The following BRIP1 variants were observed in gnomAD, a reference collection of about 807,000 sequenced individuals.
BRIP1 encodes Fanconi anemia group J protein.
In BRIP1, 88 loss-of-function variants were observed where a neutral mutation model predicts 119.7. The ratio of observed to expected loss-of-function variants is 0.74; its 90% CI spans 0.62 to 0.88. The LOEUF (loss-of-function observed/expected upper bound fraction) is 0.88, where lower values mean the gene tolerates loss of function less well. Ranked by LOEUF, BRIP1 falls within the 40% of genes least tolerant of loss-of-function variation. The pLI is 0.00. For missense variants in BRIP1, 1,259 were observed against 1,455.4 expected (o/e 0.87, Z 2.20); for synonymous variants, 443 against 496.5 (o/e 0.89, Z 1.43).
rs1237133439 is a variant in BRIP1 at position 61,762,919 on chromosome 17, C to T, written c.2097+13482G>A. 1.3e-5 allele frequency among the ~76,000 whole-genome samples: 2 copies of T among 152,140 alleles called. No homozygotes were observed. Among genetic ancestry groups the T allele is most frequent in the African/African-American group, 2.4e-5 (1 of 41,434 alleles). On this transcript the variant is annotated intron_variant, in intron 14 of 19. Transcript: ENST00000259008. This position sits in a 1 kb window ranked among gnomAD's most constrained non-coding sequence, Gnocchi z 4.3. ...AGTCAGTTTGCAGAAGAAATATCTA[C>T]ACTCCCTCGTTCACTGTAGCATTGT...
chr17:61,789,197 T>C lies in BRIP1; in HGVS notation c.1473+4400A>G, dbSNP rs992555242. 6.6e-6 allele frequency among the ~76,000 whole-genome samples: 1 copy of C among 151,170 alleles called. No homozygotes were observed. The highest frequency in any genetic ancestry group is 6.6e-5 in the Admixed American group (1 of 15,112). On this transcript the variant is annotated intron_variant, in intron 10 of 19. Coordinates refer to ENST00000259008, the MANE Select transcript of BRIP1 (RefSeq NM_032043.3). The surrounding 1 kb of genome is among the most constrained non-coding windows in gnomAD (Gnocchi z 4.8). Reference sequence around the variant, plus strand: ...CAGGAGGATCCCTTAAGACCAGAAATCCAAGGTTACAGTGAGCTATGAATG... The same window carrying C: ...CAGGAGGATCCCTTAAGACCAGAAACCCAAGGTTACAGTGAGCTATGAATG...
chr17:61,809,596 C>T lies in BRIP1; in HGVS notation c.628-839G>A, dbSNP rs1184583741. On this transcript the variant is annotated intron_variant, in intron 6 of 19. Coordinates refer to ENST00000259008, the MANE Select transcript of BRIP1 (RefSeq NM_032043.3). The surrounding 1 kb of genome is among the most constrained non-coding windows in gnomAD (Gnocchi z 5.2). ...AAATACTAAAAAAAAAAGTTTAATG[C>T]TATATATTAGAACTCACAGGTTCTT... Among the ~76,000 whole-genome samples the T allele has an allele frequency of 6.6e-6, 1 of 152,006 alleles. No homozygotes were observed. The highest frequency in any genetic ancestry group is 6.6e-5 in the Admixed American group (1 of 15,264).
intron 9 of BRIP1, among the ~76,000 whole-genome samples, chr17:61,797,120 A>G (rs2077911982): frequency 6.6e-6 from 1 of 151,940 alleles, no homozygotes; most frequent in Non-Finnish European, 1.5e-5. Flanking sequence ...TTCTAGGGAG[A>G]GGCTGAAGCT....
In BRIP1 at chr17:61,759,048, G is replaced by A. The variant is rs1039787116; in HGVS notation, c.2098-14457C>T. Among the ~76,000 whole-genome samples, 8 of 99,088 alleles carry A rather than the reference G, an allele frequency of 8.1e-5. No homozygotes were observed. The highest frequency in any genetic ancestry group is 2.4e-4 in the African/African-American group (7 of 29,522). 65.0% of individuals were successfully genotyped at this position (99,088 alleles called of 152,430 possible). ...TAAATAAATAAATAAATAAATGGCAGTAATAACTCTTTACCTTTCAATACC... is the reference window on the plus strand; with the variant it reads ...TAAATAAATAAATAAATAAATGGCAATAATAACTCTTTACCTTTCAATACC... On this transcript the variant is annotated intron_variant, in intron 14 of 19. Coordinates refer to ENST00000259008, the MANE Select transcript of BRIP1 (RefSeq NM_032043.3). The surrounding 1 kb of genome is among the most constrained non-coding windows in gnomAD (Gnocchi z 4.9).
rs2077237431 is a variant in BRIP1, at chr17:61,759,000, CCT to C, written c.2098-14411_2098-14410del. Among the ~76,000 whole-genome samples, 1 of 50,026 alleles carries C rather than the reference CCT, an allele frequency of 2.0e-5. No homozygotes were observed. Among genetic ancestry groups the C allele is most frequent in the Non-Finnish European group, 4.8e-5 (1 of 20,938 alleles). The allele number at this position is 50,026 out of a possible 152,430, so 32.8% of individuals were successfully genotyped here. On this transcript the variant is annotated intron_variant, in intron 14 of 19. Coordinates refer to ENST00000259008, the MANE Select transcript of BRIP1 (RefSeq NM_032043.3). The surrounding 1 kb of genome is among the most constrained non-coding windows in gnomAD (Gnocchi z 5.3). ...TCTGACCTGGGTGACAGAGCAAGAC[CCT>C]GTCATAAATAAATAAATAAATAAAT...
rs550779762 is a variant in BRIP1 at position 61,730,292 on chromosome 17, C to A, written c.2379+12721G>T. Among the ~76,000 whole-genome samples the A allele has an allele frequency of 5.3e-4, 80 of 152,220 alleles. No homozygotes were observed. The highest frequency in any genetic ancestry group is 1.9e-3 in the African/African-American group (78 of 41,528). ...AAAAAGTGACATAGTCACCTGAAGC[C>A]CCTCTACATGTCTACAATCTGTAGG... On this transcript the variant is annotated intron_variant, in intron 16 of 19. Transcript: ENST00000259008. This position sits in a 1 kb window ranked among gnomAD's most constrained non-coding sequence, Gnocchi z 4.3.
At chr17:61,791,029 G>A (rs370114865) in intron 10 of BRIP1, among the ~76,000 whole-genome samples, 1 of 152,020 alleles carries the variant, frequency 6.6e-6, no homozygotes, top group African/African-American at 2.4e-5. Flanking sequence ...TAGATACCAC[G>A]CTGCATTTTA....
Position 61,680,028 on chromosome 17 carries a change from G to T in BRIP1, c.*3268C>A, listed in dbSNP as rs1455128203. On this transcript the variant is annotated 3_prime_UTR_variant, in exon 20 of 20. Transcript: ENST00000259008. ...TAATGAAAATTTTTAACTTCAGGGA[G>T]AATTAAATTTTGGAAAGAATAAAAA... 6.6e-6 allele frequency among the ~76,000 whole-genome samples: 1 copy of T among 151,952 alleles called. No homozygotes were observed. Among genetic ancestry groups the T allele is most frequent in the African/African-American group, 2.4e-5 (1 of 41,360 alleles).
rs188929841 is a variant in BRIP1, at chr17:61,770,572, G to A, written c.2097+5829C>T. Among the ~76,000 whole-genome samples, 1 of 152,132 alleles carries A rather than the reference G, an allele frequency of 6.6e-6. No homozygotes were observed. The highest frequency in any genetic ancestry group is 1.9e-4 in the East Asian group (1 of 5,176). On this transcript the variant is annotated intron_variant, in intron 14 of 19. Transcript: ENST00000259008. The surrounding 1 kb of genome is among the most constrained non-coding windows in gnomAD (Gnocchi z 4.7). ...TAATAATTGTAAATCTGTGTTGAGA[G>A]ACATACAATGTGTAAAGATGTAATT...
At position 61,686,761 on chromosome 17, in the gene BRIP1, A is replaced by G. The variant is rs1027196768; in HGVS notation, c.2576-596T>C. ...TTAATATATAATCAAGTTATAAAGG[A>G]TATGATTTGACCTGTGACATAAAAA... On this transcript the variant is annotated intron_variant, in intron 18 of 19. Transcript: ENST00000259008. The surrounding 1 kb of genome is among the most constrained non-coding windows in gnomAD (Gnocchi z 5.4). 1.3e-4 allele frequency among the ~76,000 whole-genome samples: 20 copies of G among 152,084 alleles called. No homozygotes were observed. Among genetic ancestry groups the G allele is most frequent in the Admixed American group, 1.1e-3 (17 of 15,262 alleles).
chr17:61,688,945 G>A (rs1307741732), intron 18 of BRIP1, among the ~76,000 whole-genome samples: 4 of 151,438 alleles, frequency 2.6e-5, no homozygotes, highest in African/African-American at 9.7e-5. Context: ...TCACTACAGG[G>A]GTTCATCAGC....
Position 61,860,639 on chromosome 17 carries a change from G to A in BRIP1, c.94-732C>T, listed in dbSNP as rs1408655347. On this transcript the variant is annotated intron_variant, in intron 2 of 19. Coordinates refer to ENST00000259008, the MANE Select transcript of BRIP1 (RefSeq NM_032043.3). The surrounding 1 kb of genome is among the most constrained non-coding windows in gnomAD (Gnocchi z 4.1). ...CGCGCCACTGCACTCCAATCTGGGC[G>A]ACAGAGTGAGACGCTGTCTCAAAAA... Among the ~76,000 whole-genome samples, 1 of 152,070 alleles carries A rather than the reference G, an allele frequency of 6.6e-6. No homozygotes were observed. Among genetic ancestry groups the A allele is most frequent in the Non-Finnish European group, 1.5e-5 (1 of 68,014 alleles).
rs1398339705 is a variant in BRIP1 at position 61,755,265 on chromosome 17, TAAAAG to T, written c.2098-10679_2098-10675del. Among the ~76,000 whole-genome samples the T allele has an allele frequency of 6.6e-6, 1 of 151,982 alleles. No homozygotes were observed. The highest frequency in any genetic ancestry group is 6.6e-5 in the Admixed American group (1 of 15,260). On this transcript the variant is annotated intron_variant, in intron 14 of 19. Transcript: ENST00000259008. This position sits in a 1 kb window ranked among gnomAD's most constrained non-coding sequence, Gnocchi z 4.5. ...TAAAACCAGATGCCCAAGTCCTTAATAAAAGAAGAGTTGGCTGGGTGCAGTGGCCC... is the reference window on the plus strand; with the variant it reads ...TAAAACCAGATGCCCAAGTCCTTAATAAGAGTTGGCTGGGTGCAGTGGCCC...
intron 14 of BRIP1, among the ~76,000 whole-genome samples, chr17:61,765,860 C>CACACACAG (rs1396071976): frequency 2.6e-5 from 4 of 151,346 alleles, no homozygotes; most frequent in African/African-American, 9.7e-5. Flanking sequence ...CACACACACA[C>CACACACAG]AGAGCAAAAA....
intron 6 of BRIP1, among the ~76,000 whole-genome samples, chr17:61,812,642 TATA>T (rs768139750): frequency 2.6e-5 from 4 of 151,326 alleles, no homozygotes; most frequent in South Asian, 4.2e-4. Context: ...ATGTGACAGC[TATA>T]ATATTTCCAT....
Position 61,736,765 on chromosome 17 carries a change from A to G in BRIP1, c.2379+6248T>C, listed in dbSNP as rs376459823. Among the ~76,000 whole-genome samples the G allele has an allele frequency of 5.9e-5, 9 of 152,330 alleles. No individual in the cohort carries two copies. The highest frequency in any genetic ancestry group is 2.1e-4 in the South Asian group (1 of 4,828). ...GTAGAGACACAAAGATGCTGAAGAA[A>G]TTATCCCTATCCTCAAGGTACACCA... On this transcript the variant is annotated intron_variant, in intron 16 of 19. Transcript: ENST00000259008. This position sits in a 1 kb window ranked among gnomAD's most constrained non-coding sequence, Gnocchi z 4.4.
rs963145157 is a variant in BRIP1 at position 61,748,566 on chromosome 17, C to A, written c.2098-3975G>T. 6.6e-6 allele frequency among the ~76,000 whole-genome samples: 1 copy of A among 152,172 alleles called. No individual in the cohort carries two copies. Among genetic ancestry groups the A allele is most frequent in the Admixed American group, 6.5e-5 (1 of 15,280 alleles). ...GAGGCATCGTGCTTCATGACACTTA[C>A]ATCTTACAAACCCACCATAATCAAA... On this transcript the variant is annotated intron_variant, in intron 14 of 19. Coordinates refer to ENST00000259008, the MANE Select transcript of BRIP1 (RefSeq NM_032043.3). The surrounding 1 kb of genome is among the most constrained non-coding windows in gnomAD (Gnocchi z 4.7).
chr17:61,850,497 A>G (rs956952216), intron 4 of BRIP1, among the ~76,000 whole-genome samples: 11 of 152,188 alleles, frequency 7.2e-5, no homozygotes, highest in African/African-American at 2.7e-4. Flanking sequence ...TACAGCAGAG[A>G]AAGACCTACA....
At position 61,751,981 on chromosome 17, in the gene BRIP1, C is replaced by T. The variant is rs949696583; in HGVS notation, c.2098-7390G>A. Among the ~76,000 whole-genome samples the T allele has an allele frequency of 1.3e-5, 2 of 152,048 alleles. No homozygotes were observed. Among genetic ancestry groups the T allele is most frequent in the African/African-American group, 4.8e-5 (2 of 41,402 alleles). On this transcript the variant is annotated intron_variant, in intron 14 of 19. Transcript: ENST00000259008. This position sits in a 1 kb window ranked among gnomAD's most constrained non-coding sequence, Gnocchi z 6.7. ...ACGGGGTTTCACCATATTGGTCAGGCTGGTCTCGAACTCCTGACCTCAGGT... is the reference window on the plus strand; with the variant it reads ...ACGGGGTTTCACCATATTGGTCAGGTTGGTCTCGAACTCCTGACCTCAGGT...
Sources: allele counts gnomAD v4.1 joint callset (sites outside exome capture counted in the v4.1 genomes callset), GRCh38; gene constraint gnomAD v4.1.1; non-coding constraint Gnocchi (gnomAD v3.1); transcripts MANE v1.5; gene names NCBI Gene and HGNC (gene_info 2026-07-23, HGNC 2026-07-21).